BMPER: variants seen among roughly 807,000 people sequenced by gnomAD.
BMPER encodes the protein BMP-binding endothelial regulator protein.
BMPER carries 45 observed loss-of-function variants against 87.3 expected under a neutral mutation model. The observed-to-expected ratio is 0.52, with a 90% CI of 0.41 to 0.66. BMPER has a LOEUF of 0.66. Among genes scored for constraint, BMPER ranks in the 30% least tolerant of loss-of-function variants. The probability of loss-of-function intolerance (pLI) is 0.00; values close to 1 mark genes in which losing one functional copy is unlikely to be tolerated. For missense variants in BMPER, 784 were observed against 867.5 expected (o/e 0.90, Z 1.21); for synonymous variants, 326 against 316.2 (o/e 1.03, Z -0.33).
Position 34,154,333 on chromosome 7 carries a change from T to C in BMPER, c.*1060T>C, listed in dbSNP as rs1470313688. 1 of 152,254 alleles carries C rather than the reference T, an allele frequency of 6.6e-6. No individual in the cohort carries two copies. The highest frequency in any genetic ancestry group is 1.5e-5 in the Non-Finnish European group (1 of 68,042). The allele number at this position is 152,254 out of a possible 1,614,324, so 9.4% of individuals were successfully genotyped here. On this transcript the variant is annotated 3_prime_UTR_variant, in exon 15 of 15. Transcript: ENST00000649409. ...ACCTCAGTCCAAAGAACAGTCTCTA[T>C]ACTTGCCCTCATTTACTGATAGGCT...
At chr7:34,119,205 A>C (rs1486137338) in intron 13 of BMPER, among the ~76,000 whole-genome samples, 2 of 152,118 alleles carry the variant, frequency 1.3e-5, no homozygotes, top group East Asian at 3.8e-4. Flanking sequence ...TGTGTGATAC[A>C]AGCTGAGTTA....
rs114355049 is a variant in BMPER at position 34,055,776 on chromosome 7, G to T, written c.927+473G>T. Among the ~76,000 whole-genome samples, 1,177 of 152,300 alleles carry T rather than the reference G, an allele frequency of 7.7e-3. 18 individuals carry two copies. Among genetic ancestry groups the T allele is most frequent in the African/African-American group, 0.027 (1,128 of 41,572 alleles). On this transcript the variant is annotated intron_variant, in intron 9 of 14. Coordinates refer to ENST00000649409, the MANE Select transcript of BMPER (RefSeq NM_001365308.1). ...TTAATAGTGTATGTAGTTGAGCCAG[G>T]TGAGAGAGCTCTGCCCAGCTGAATG...
At chr7:34,079,380 G>A in intron 12 of BMPER, among the ~76,000 whole-genome samples, 194 bp downstream of exon 12, 1 of 152,194 alleles carries the variant, frequency 6.6e-6, no homozygotes, top group East Asian at 1.9e-4. Flanking sequence ...GCCACAAACA[G>A]CTGGAGACAT....
At chr7:34,092,996 A>G (rs192016799) in intron 13 of BMPER, among the ~76,000 whole-genome samples, 1 of 152,206 alleles carries the variant, frequency 6.6e-6, no homozygotes, top group African/African-American at 2.4e-5. Context: ...CAAAGTTAGA[A>G]AGGGCACAGT....
chr7:34,020,491 A>T (rs976859550), intron 6 of BMPER, among the ~76,000 whole-genome samples: 1 of 151,920 alleles, frequency 6.6e-6, no homozygotes, highest in African/African-American at 2.4e-5. Flanking sequence ...ATTCCATGGG[A>T]TGCTTGCTGA....
rs192163771 is a variant in BMPER at position 34,089,314 on chromosome 7, A to T, written c.1745+3222A>T. Among the ~76,000 whole-genome samples the T allele has an allele frequency of 7.2e-5, 11 of 152,250 alleles. No individual in the cohort carries two copies. The East Asian group carries it at 1.9e-3, about 27-fold the overall frequency. ...AGGGAAGGGAGAATGCAAATAGAGT[A>T]TTTTTTCTGAGAAAATATTACCCAT... On this transcript the variant is annotated intron_variant, in intron 13 of 14. Transcript: ENST00000649409.
intron 13 of BMPER, among the ~76,000 whole-genome samples, chr7:34,088,544 C>A (rs11973757): frequency 2.6e-5 from 4 of 152,082 alleles, no homozygotes; most frequent in African/African-American, 9.7e-5. Flanking sequence ...GAGAATGAGC[C>A]GTGGGGAAGG....
rs530349867 is a variant in BMPER, at chr7:33,927,378, G to A, written c.220-9911G>A. Among the ~76,000 whole-genome samples the A allele has an allele frequency of 2.0e-3, 297 of 152,268 alleles. 1 individual carries two copies. The highest frequency in any genetic ancestry group is 5.9e-3 in the Admixed American group (90 of 15,296). The stretch of plus-strand genomic sequence containing the variant: ...ATGACAAGAGTGACAACCTTCCAGG[G>A]CTGGCCTCACAGAGATATGGTTTTG... On this transcript the variant is annotated intron_variant, in intron 2 of 14. Coordinates refer to ENST00000649409, the MANE Select transcript of BMPER (RefSeq NM_001365308.1).
At chr7:34,085,601 A>C (rs1789176860) in intron 12 of BMPER, among the ~76,000 whole-genome samples, 155 bp from the exon 13 acceptor site, 1 of 152,222 alleles carries the variant, frequency 6.6e-6, no homozygotes, top group African/African-American at 2.4e-5. Flanking sequence ...TATTCACTAT[A>C]GTGAGATTAA....
At chr7:34,117,628 C>G (rs1041416327) in intron 13 of BMPER, among the ~76,000 whole-genome samples, 4 of 152,156 alleles carry the variant, frequency 2.6e-5, no homozygotes, top group Non-Finnish European at 4.4e-5. Context: ...CTGTTTACTA[C>G]TATAATTTTT....
In BMPER at chr7:33,966,602, A is replaced by G. The variant is rs371816697; in HGVS notation, c.402+41A>G. The G allele has an allele frequency of 2.9e-4, 462 of 1,583,408 alleles. 1 individual carries two copies. The highest frequency in any genetic ancestry group is 3.7e-4 in the Non-Finnish European group (426 of 1,152,936). On this transcript the variant is annotated intron_variant, in intron 4 of 14. Coordinates refer to ENST00000649409, the MANE Select transcript of BMPER (RefSeq NM_001365308.1). ...TTCTCTCTCCAGTAAAAAGGAATCC[A>G]TAGAGTCCTCTTTAGTCACCCCTTC... is the stretch of plus-strand genomic sequence containing the variant.
At chr7:34,076,099 T>C (rs1227929589) in intron 11 of BMPER, among the ~76,000 whole-genome samples, 1 of 152,108 alleles carries the variant, frequency 6.6e-6, no homozygotes, top group African/African-American at 2.4e-5. Context: ...TCTTGAAAAA[T>C]ATCTTTCCTG....
Position 33,937,276 on chromosome 7 carries a change from T to C in BMPER, c.220-13T>C. ...ATGTCTATTTCAAATCTCTCGTGTC[T>C]CTTTTTGTCTAGAACAAGGAAGTGA... On this transcript the variant is annotated splice_polypyrimidine_tract_variant and intron_variant, in intron 2 of 14. Coordinates refer to ENST00000649409, the MANE Select transcript of BMPER (RefSeq NM_001365308.1). 6.2e-7 allele frequency: 1 copy of C among 1,611,680 alleles called. No homozygotes were observed. Among genetic ancestry groups the C allele is most frequent in the South Asian group, 1.1e-5 (1 of 91,040 alleles).
intron 13 of BMPER, among the ~76,000 whole-genome samples, chr7:34,110,258 C>T (rs979009712): frequency 6.6e-6 from 1 of 152,132 alleles, no homozygotes; most frequent in Admixed American, 6.5e-5. Flanking sequence ...AATTGTGGAT[C>T]CCAAGCCAGC....
intron 6 of BMPER, among the ~76,000 whole-genome samples, chr7:34,026,431 A>T (rs1787358445): frequency 6.6e-6 from 1 of 152,100 alleles, no homozygotes; most frequent in South Asian, 2.1e-4. Flanking sequence ...CTTCTCATGC[A>T]GTTTTCTTCA....
At chr7:34,058,214 T>C (rs1395591025) in intron 10 of BMPER, 51 bp downstream of exon 10, 1 of 1,530,128 alleles carries the variant, frequency 6.5e-7, no homozygotes, top group Non-Finnish European at 9.0e-7. Context: ...AGAAATGTCC[T>C]GTGTGTGGCA....
chr7:34,028,601 G>GTTTTTTTTTTTTTTTTTT lies in BMPER; in HGVS notation c.577-17690_577-17673dup. On this transcript the variant is annotated intron_variant, in intron 6 of 14. Coordinates refer to ENST00000649409, the MANE Select transcript of BMPER (RefSeq NM_001365308.1). ...ACATACAGTCCAAATCATTTTTTCT[G>GTTTTTTTTTTTTTTTTTT]TTTTTTTTTTTTTTTTTTTTTTTTT... 5.0e-4 allele frequency among the ~76,000 whole-genome samples: 18 copies of GTTTTTTTTTTTTTTTTTT among 36,054 alleles called. 1 individual carries two copies. The highest frequency in any genetic ancestry group is 4.3e-3 in the South Asian group (2 of 462). 23.7% of individuals were successfully genotyped at this position (36,054 alleles called of 152,430 possible). A position where few individuals can be genotyped will look rare whatever the true frequency, so the allele number is the denominator to read the frequency against.
intron 6 of BMPER, among the ~76,000 whole-genome samples, chr7:33,999,753 A>G (rs1585723305): frequency 6.6e-6 from 1 of 152,354 alleles, no homozygotes; most frequent in South Asian, 2.1e-4. Context: ...ATTCTGCATA[A>G]ACCTGAGGCT....
intron 13 of BMPER, among the ~76,000 whole-genome samples, chr7:34,128,812 G>T (rs1790470071): frequency 6.6e-6 from 1 of 152,138 alleles, no homozygotes; most frequent in Admixed American, 6.5e-5. Flanking sequence ...GTCTATCACA[G>T]GAATGAGATT....
Sources: allele counts gnomAD v4.1 joint callset (sites outside exome capture counted in the v4.1 genomes callset), GRCh38; gene constraint gnomAD v4.1.1; transcripts MANE v1.5; gene names NCBI Gene and HGNC (gene_info 2026-07-23, HGNC 2026-07-21).